The following THAP12 variants were observed in gnomAD, a reference collection of about 807,000 sequenced individuals.
THAP12 encodes 52 kDa repressor of the inhibitor of the protein kinase.
In THAP12, 20 loss-of-function variants were observed where a neutral mutation model predicts 63.0. That is an observed-to-expected ratio of 0.32 (90% CI 0.22 to 0.46). The LOEUF (loss-of-function observed/expected upper bound fraction) is 0.46, where lower values mean the gene tolerates loss of function less well. THAP12 is among the 20% of genes least tolerant of loss of function. THAP12 has a pLI of 1.00. For synonymous variants in THAP12, 264 were observed against 328.4 expected (o/e 0.80, Z 2.12); for missense variants, 568 against 908.2 (o/e 0.63, Z 4.81).
At chr11:76,360,691 G>C (rs560548261) in intron 3 of THAP12, among the ~76,000 whole-genome samples, 1 of 152,090 alleles carries the variant, frequency 6.6e-6, no homozygotes, top group South Asian at 2.1e-4. Context: ...CTCCAGAAGG[G>C]AATGAGCTAG....
chr11:76,375,660 T>C (rs1590807600), intron 1 of THAP12, among the ~76,000 whole-genome samples: 1 of 149,476 alleles, frequency 6.7e-6, no homozygotes. Context: ...ATCTTTATTG[T>C]TTGTTAACAA....
chr11:76,365,473 G>A (rs1041381528), intron 2 of THAP12, among the ~76,000 whole-genome samples: 1 of 151,854 alleles, frequency 6.6e-6, no homozygotes, highest in Non-Finnish European at 1.5e-5. Context: ...CAGCCCCGAC[G>A]TCATGGGCTC....
chr11:76,352,286 G>T lies in THAP12; in HGVS notation c.864C>A (p.Asn288Lys), dbSNP rs774032141. Residue 288 changes from asparagine to lysine, a missense_variant, in exon 5 of 5, where the codon AAC becomes AAA. By Grantham distance (94) the Asn-to-Lys change is moderately conservative. Transcript: ENST00000260045. ...VLVRFVDESH[N>K]LREEFIGFLP... Reference sequence around the variant, plus strand: ...GGAAGCCTATAAATTCCTCTCTTAGGTTATGAGATTCATCAACAAACCTCA... The same window carrying T: ...GGAAGCCTATAAATTCCTCTCTTAGTTTATGAGATTCATCAACAAACCTCA... 3.1e-6 allele frequency: 5 copies of T among 1,611,798 alleles called. No individual in the cohort carries two copies. Among genetic ancestry groups the T allele is most frequent in the South Asian group, 1.1e-5 (1 of 90,946 alleles).
chr11:76,379,949 G>A (rs902369683), intron 1 of THAP12, among the ~76,000 whole-genome samples: 1 of 152,186 alleles, frequency 6.6e-6, no homozygotes, highest in Non-Finnish European at 1.5e-5. Flanking sequence ...TCTGCAAGCA[G>A]TGACACCCTT....
At chr11:76,376,034 A>C (rs1451069620) in intron 1 of THAP12, among the ~76,000 whole-genome samples, 1 of 152,190 alleles carries the variant, frequency 6.6e-6, no homozygotes, top group Non-Finnish European at 1.5e-5. Flanking sequence ...AGTGGATTCG[A>C]GGTTACCAAA....
Position 76,380,743 on chromosome 11 carries a change from C to T in THAP12, c.89+5G>A. 2 of 1,440,980 alleles carry T rather than the reference C, an allele frequency of 1.4e-6. No homozygotes were observed. Among genetic ancestry groups the T allele is most frequent in the Non-Finnish European group, 1.8e-6 (2 of 1,088,844 alleles). The allele number at this position is 1,440,980 out of a possible 1,614,324, so 89.3% of individuals were successfully genotyped here. ...CGGGCCGCCCGCTCTGCGCCCGCCGCTTACCTGGCAGGGTCCCGCGGGAAC... is the reference window on the plus strand; with the variant it reads ...CGGGCCGCCCGCTCTGCGCCCGCCGTTTACCTGGCAGGGTCCCGCGGGAAC... On this transcript the variant is annotated splice_donor_5th_base_variant and intron_variant, in intron 1 of 4. Coordinates refer to ENST00000260045, the MANE Select transcript of THAP12 (RefSeq NM_004705.4).
intron 1 of THAP12, among the ~76,000 whole-genome samples, chr11:76,378,527 C>G (rs541495452): frequency 6.6e-6 from 1 of 151,874 alleles, no homozygotes; most frequent in South Asian, 2.1e-4. Flanking sequence ...ATATTTAGGC[C>G]TTTGATCTCA....
intron 1 of THAP12, among the ~76,000 whole-genome samples, chr11:76,380,245 A>AT (rs139759147): frequency 0.038 from 5,802 of 152,304 alleles, 145 homozygotes; most frequent in East Asian, 0.08. Flanking sequence ...GAACCGTGCA[A>AT]TGACAAGTCC....
intron 4 of THAP12, among the ~76,000 whole-genome samples, chr11:76,353,735 G>T (rs1259358794): frequency 6.6e-6 from 1 of 152,260 alleles, no homozygotes; most frequent in Non-Finnish European, 1.5e-5. Flanking sequence ...AGGGCCGGGG[G>T]TGCAGTGGCT....
chr11:76,353,125 G>A (rs951429769), intron 4 of THAP12, among the ~76,000 whole-genome samples: 4 of 152,044 alleles, frequency 2.6e-5, no homozygotes, highest in African/African-American at 7.2e-5. Flanking sequence ...GGCCTCAAGT[G>A]ATCCTCCCAC....
At chr11:76,379,816 C>G (rs941632015) in intron 1 of THAP12, among the ~76,000 whole-genome samples, 2 of 152,030 alleles carry the variant, frequency 1.3e-5, no homozygotes, top group Admixed American at 6.6e-5. Context: ...TCATCTGTAA[C>G]CCCCACTGCT....
chr11:76,367,911 G>A (rs1946643107), intron 1 of THAP12, among the ~76,000 whole-genome samples: 1 of 152,012 alleles, frequency 6.6e-6, no homozygotes, highest in Non-Finnish European at 1.5e-5. Context: ...TGACCAACAA[G>A]TATTACTGCT....
At chr11:76,375,822 CTTT>C (rs1946706106) in intron 1 of THAP12, among the ~76,000 whole-genome samples, 2 of 151,220 alleles carry the variant, frequency 1.3e-5, no homozygotes, top group African/African-American at 2.4e-5. Context: ...GAAACTACTT[CTTT>C]GTTATAAATA....
chr11:76,369,559 T>G (rs757023877), intron 1 of THAP12, among the ~76,000 whole-genome samples: 6 of 152,234 alleles, frequency 3.9e-5, no homozygotes, highest in South Asian at 2.1e-4. Flanking sequence ...GGTAAACAGT[T>G]CCATACACAG....
chr11:76,363,684 G>C (rs1007462127), intron 2 of THAP12, among the ~76,000 whole-genome samples: 2 of 152,230 alleles, frequency 1.3e-5, no homozygotes, highest in African/African-American at 2.4e-5. Flanking sequence ...GGCCTCCTTG[G>C]TTCAAGCGAT....
chr11:76,360,147 C>T (rs1946588886), intron 3 of THAP12, among the ~76,000 whole-genome samples: 1 of 152,124 alleles, frequency 6.6e-6, no homozygotes. Context: ...TACATACTAA[C>T]TCCAAATGGA....
At chr11:76,371,267 G>C (rs1307898737) in intron 1 of THAP12, among the ~76,000 whole-genome samples, 2 of 152,146 alleles carry the variant, frequency 1.3e-5, no homozygotes, top group Non-Finnish European at 2.9e-5. Context: ...ATAAACAACT[G>C]TGTTCACTTC....
At chr11:76,371,383 T>C (rs895699137) in intron 1 of THAP12, among the ~76,000 whole-genome samples, 2 of 152,186 alleles carry the variant, frequency 1.3e-5, no homozygotes, top group Non-Finnish European at 2.9e-5. Flanking sequence ...CTTCAGATCT[T>C]AGCGCAAATG....
At chr11:76,370,843 A>AT (rs1433930243) in intron 1 of THAP12, among the ~76,000 whole-genome samples, 28,460 of 141,142 alleles carry the variant, frequency 0.2, 2,744 homozygotes, top group East Asian at 0.26. Flanking sequence ...AAAAAAAAAA[A>AT]ATATATATAT....
Sources: allele counts gnomAD v4.1 joint callset (sites outside exome capture counted in the v4.1 genomes callset), GRCh38; gene constraint gnomAD v4.1.1; transcripts MANE v1.5; gene names NCBI Gene and HGNC (gene_info 2026-07-23, HGNC 2026-07-21).